Variants in FAT3 observed in about 807,000 individuals in gnomAD.
FAT3 encodes the protein protocadherin Fat 3.
Under a neutral mutation model 310.2 loss-of-function variants are expected in FAT3, and 95 were observed. The ratio of observed to expected loss-of-function variants is 0.31; its 90% CI spans 0.26 to 0.36. FAT3 has a LOEUF of 0.36. Ranked by LOEUF, FAT3 falls within the 10% of genes least tolerant of loss-of-function variation. The pLI is 1.00. For missense variants in FAT3, 5,408 were observed against 5,715.6 expected (o/e 0.95, Z 1.74); for synonymous variants, 2,314 against 2,192.9 (o/e 1.06, Z -1.54).
intron 2 of FAT3, among the ~76,000 whole-genome samples, chr11:92,373,498 A>G (rs556404618): frequency 6.6e-6 from 1 of 152,240 alleles, no homozygotes; most frequent in East Asian, 1.9e-4. Flanking sequence ...TTTTGTGTCT[A>G]CCTTGTGCAT....
At chr11:92,251,698 A>G (rs1865149395) in intron 1 of FAT3, among the ~76,000 whole-genome samples, 1 of 147,690 alleles carries the variant, frequency 6.8e-6, no homozygotes, top group Non-Finnish European at 1.5e-5. Flanking sequence ...TTTTGTATTG[A>G]TTGAATAAAT....
chr11:92,490,968 C>A (rs1952582340), intron 2 of FAT3, among the ~76,000 whole-genome samples: 2 of 152,010 alleles, frequency 1.3e-5, no homozygotes, highest in Admixed American at 1.3e-4. Context: ...TATAATTCAT[C>A]ATTTCCTTGA....
At chr11:92,302,053 ACACT>A (rs959854336) in intron 1 of FAT3, among the ~76,000 whole-genome samples, 8 of 152,236 alleles carry the variant, frequency 5.3e-5, no homozygotes, top group African/African-American at 1.2e-4. Context: ...ACACACACAC[ACACT>A]CACACACACA....
At chr11:92,788,045 A>G (rs1377065305) in intron 7 of FAT3, among the ~76,000 whole-genome samples, 2 of 152,188 alleles carry the variant, frequency 1.3e-5, no homozygotes, top group Non-Finnish European at 2.9e-5. Flanking sequence ...AGTAGCAATA[A>G]GTATTCCTAG....
intron 2 of FAT3, among the ~76,000 whole-genome samples, chr11:92,468,463 A>G (rs1249085946): frequency 6.6e-6 from 1 of 152,160 alleles, no homozygotes; most frequent in African/African-American, 2.4e-5. Flanking sequence ...CTTTTAGTAT[A>G]TTTTAAAGCC....
At chr11:92,528,373 C>A (rs528475717) in intron 3 of FAT3, among the ~76,000 whole-genome samples, 1 of 152,302 alleles carries the variant, frequency 6.6e-6, no homozygotes, top group African/African-American at 2.4e-5. Context: ...GGCCGGTGTT[C>A]ACTTGCCTCT....
intron 4 of FAT3, among the ~76,000 whole-genome samples, chr11:92,731,018 C>T (rs1325561783): frequency 6.6e-6 from 1 of 152,172 alleles, no homozygotes; most frequent in Non-Finnish European, 1.5e-5. Flanking sequence ...TCTTCCCTAT[C>T]ACCCACCCCT....
At chr11:92,540,520 G>A (rs1171056131) in intron 3 of FAT3, among the ~76,000 whole-genome samples, 1 of 152,176 alleles carries the variant, frequency 6.6e-6, no homozygotes, top group Non-Finnish European at 1.5e-5. Flanking sequence ...AAGAAAGTAA[G>A]TGAGGCTTCT....
intron 3 of FAT3, among the ~76,000 whole-genome samples, chr11:92,598,639 A>G (rs1176249542): frequency 6.6e-6 from 1 of 152,196 alleles, no homozygotes; most frequent in Non-Finnish European, 1.5e-5. Context: ...CTTGTAAGAT[A>G]TTCAGCTAGA....
chr11:92,705,570 TGGTGGTGA>T (rs1944279343), intron 4 of FAT3, among the ~76,000 whole-genome samples: 1 of 15,178 alleles, frequency 6.6e-5, no homozygotes. Flanking sequence ...ATGGTGGTGG[TGGTGGTGA>T]TGGTGGTGGT....
chr11:92,373,340 T>G (rs1473455745), intron 2 of FAT3, among the ~76,000 whole-genome samples: 1 of 152,140 alleles, frequency 6.6e-6, no homozygotes, highest in Non-Finnish European at 1.5e-5. Context: ...AACTGAAATT[T>G]AGAGAAATGA....
intron 1 of FAT3, among the ~76,000 whole-genome samples, chr11:92,304,870 A>G (rs145920572): frequency 1.3e-5 from 2 of 152,230 alleles, no homozygotes; most frequent in East Asian, 1.9e-4. Context: ...CAGTTGCATC[A>G]TGCTGGGTGA....
chr11:92,497,236 C>A (rs1198824446), intron 2 of FAT3, among the ~76,000 whole-genome samples: 1 of 151,962 alleles, frequency 6.6e-6, no homozygotes, highest in East Asian at 1.9e-4. Context: ...GACCACAACC[C>A]CCTTTCTGCT....
intron 2 of FAT3, among the ~76,000 whole-genome samples, chr11:92,422,205 T>C (rs1950546233): frequency 6.6e-6 from 1 of 152,110 alleles, no homozygotes; most frequent in Non-Finnish European, 1.5e-5. Context: ...GAAAGACAAG[T>C]TTGCTTTCTT....
intron 1 of FAT3, among the ~76,000 whole-genome samples, chr11:92,291,085 A>ACACC: frequency 6.6e-6 from 1 of 150,520 alleles, no homozygotes; most frequent in African/African-American, 2.4e-5. Context: ...TATTCTACAC[A>ACACC]CACACACACA....
intron 3 of FAT3, among the ~76,000 whole-genome samples, chr11:92,535,336 A>T (rs928148583): frequency 1.3e-4 from 20 of 152,190 alleles, no homozygotes; most frequent in African/African-American, 4.8e-4. Flanking sequence ...TAGGGTCCTG[A>T]TAGGGACCAT....
chr11:92,637,946 G>A lies in FAT3; in HGVS notation c.3608-59438G>A, dbSNP rs553727385. Among the ~76,000 whole-genome samples, 17 of 152,214 alleles carry A rather than the reference G, an allele frequency of 1.1e-4. No individual in the cohort carries two copies. The South Asian group carries it at 1.9e-3, about 17-fold the overall frequency. ...AAGCCGCATGCTGTTTGGATATTGC[G>A]TTTTTTACCTTAATATACTGCATAT... is the stretch of plus-strand genomic sequence containing the variant. On this transcript the variant is annotated intron_variant, in intron 3 of 27. Transcript: ENST00000525166.
chr11:92,452,305 C>T (rs774353374), intron 2 of FAT3, among the ~76,000 whole-genome samples: 4 of 152,080 alleles, frequency 2.6e-5, no homozygotes, highest in Non-Finnish European at 5.9e-5. Flanking sequence ...GTGATAGTAT[C>T]GGACTGTTTA....
chr11:92,770,170 T>C (rs1296441920), intron 6 of FAT3, among the ~76,000 whole-genome samples: 2 of 152,162 alleles, frequency 1.3e-5, no homozygotes, highest in African/African-American at 4.8e-5. Context: ...TTTCCCTAAT[T>C]TGATCCCAAA....
Sources: allele counts gnomAD v4.1 joint callset (sites outside exome capture counted in the v4.1 genomes callset), GRCh38; gene constraint gnomAD v4.1.1; transcripts MANE v1.5; gene names NCBI Gene and HGNC (gene_info 2026-07-23, HGNC 2026-07-21).